The following NRXN1 variants were observed in gnomAD, a reference collection of about 807,000 sequenced individuals.
NRXN1 encodes the protein neurexin-1.
In NRXN1, 39 loss-of-function variants were observed where a neutral mutation model predicts 150.9. That is an observed-to-expected ratio of 0.26 (90% CI 0.20 to 0.34). The LOEUF (loss-of-function observed/expected upper bound fraction) is 0.34, where lower values mean the gene tolerates loss of function less well. Ranked by LOEUF, NRXN1 falls within the 10% of genes least tolerant of loss-of-function variation. The probability of loss-of-function intolerance (pLI) is 1.00; values close to 1 mark genes in which losing one functional copy is unlikely to be tolerated. For synonymous variants in NRXN1, 924 were observed against 757.0 expected (o/e 1.22, Z -3.62); for missense variants, 1,815 against 1,949.9 (o/e 0.93, Z 1.30).
At chr2:50,206,539 C>T (rs887122633) in intron 18 of NRXN1, among the ~76,000 whole-genome samples, 2 of 151,972 alleles carry the variant, frequency 1.3e-5, no homozygotes, top group African/African-American at 4.8e-5. Context: ...GCCATACCCT[C>T]TGTCTAAACC....
intron 19 of NRXN1, among the ~76,000 whole-genome samples, chr2:50,088,960 G>C (rs1699180902): frequency 6.6e-6 from 1 of 152,088 alleles, no homozygotes; most frequent in Admixed American, 6.6e-5. Flanking sequence ...TTACTAAAAT[G>C]CAATGATGTT....
chr2:50,103,217 G>A (rs1701196917), intron 18 of NRXN1, among the ~76,000 whole-genome samples: 1 of 152,010 alleles, frequency 6.6e-6, no homozygotes, highest in South Asian at 2.1e-4. Context: ...ATCATTCTAC[G>A]CTCATATTTC....
intron 5 of NRXN1, among the ~76,000 whole-genome samples, chr2:50,874,413 T>C (rs1054209667): frequency 7.2e-5 from 11 of 151,798 alleles, no homozygotes; most frequent in African/African-American, 2.7e-4. Context: ...CTTTTTTTTA[T>C]AGATGAAAAA....
intron 5 of NRXN1, among the ~76,000 whole-genome samples, chr2:50,626,757 A>G (rs554816100): frequency 6.6e-6 from 1 of 152,078 alleles, no homozygotes; most frequent in Admixed American, 6.6e-5. Context: ...CATCTACATT[A>G]AAATTAACAA....
chr2:50,655,792 G>A (rs1295663350), intron 5 of NRXN1, among the ~76,000 whole-genome samples: 5 of 151,910 alleles, frequency 3.3e-5, no homozygotes, highest in East Asian at 3.9e-4. Flanking sequence ...CTTTGTAATC[G>A]TGTACATTGA....
intron 15 of NRXN1, among the ~76,000 whole-genome samples, chr2:50,484,936 T>C (rs1664152192): frequency 1.3e-5 from 2 of 152,220 alleles, no homozygotes; most frequent in South Asian, 4.1e-4. Context: ...ATGTTAGCTT[T>C]TCACTGTAGA....
At position 50,554,687 on chromosome 2, in the gene NRXN1, TTA is replaced by T. The variant is rs1667981099; in HGVS notation, c.1321-1664_1321-1663del. Among the ~76,000 whole-genome samples the T allele has an allele frequency of 2.6e-5, 4 of 152,272 alleles. No homozygotes were observed. The East Asian group carries it at 7.7e-4, about 29-fold the overall frequency. Reference sequence around the variant, plus strand: ...ATAGACACAGATTTTAATTCTAAATTTATCCATAGGAAAACATTTAGAAATAA... The same window carrying T: ...ATAGACACAGATTTTAATTCTAAATTTCCATAGGAAAACATTTAGAAATAA... On this transcript the variant is annotated intron_variant, in intron 8 of 22. Transcript: ENST00000401669.
In NRXN1 at chr2:50,513,547, C is replaced by T. The variant is rs1471945927; in HGVS notation, c.2375-6930G>A. Among the ~76,000 whole-genome samples, 6 of 152,210 alleles carry T rather than the reference C, an allele frequency of 3.9e-5. No homozygotes were observed. The South Asian group carries it at 6.2e-4, about 16-fold the overall frequency. On this transcript the variant is annotated intron_variant, in intron 12 of 22. Coordinates refer to ENST00000401669, the MANE Select transcript of NRXN1 (RefSeq NM_001330078.2). ...AAGGGAACCTGAAATAGATCAATAA[C>T]GACATGCTTAATCTTGCTGGGTTAA...
chr2:49,983,594 C>G (rs939617044), intron 21 of NRXN1, among the ~76,000 whole-genome samples: 2 of 151,868 alleles, frequency 1.3e-5, no homozygotes, highest in Non-Finnish European at 2.9e-5. Context: ...TCTTTGAGTC[C>G]TTTAGATAAT....
chr2:50,305,864 A>T (rs1455395286), intron 17 of NRXN1, among the ~76,000 whole-genome samples: 2 of 152,200 alleles, frequency 1.3e-5, no homozygotes, highest in African/African-American at 4.8e-5. Context: ...TTCCCTGCCA[A>T]TTCTCCGTCC....
intron 17 of NRXN1, among the ~76,000 whole-genome samples, chr2:50,304,499 C>T (rs931729043): frequency 6.6e-6 from 1 of 152,114 alleles, no homozygotes; most frequent in African/African-American, 2.4e-5. Context: ...TCAAAAATTC[C>T]TAGGAGCCAG....
At chr2:50,443,582 C>G (rs2086152372) in intron 17 of NRXN1, among the ~76,000 whole-genome samples, 1 of 152,158 alleles carries the variant, frequency 6.6e-6, no homozygotes, top group African/African-American at 2.4e-5. Context: ...CAATGTGCCT[C>G]TAAATCAGTA....
At chr2:50,080,021 C>A (rs1252794256) in intron 19 of NRXN1, among the ~76,000 whole-genome samples, 1 of 151,960 alleles carries the variant, frequency 6.6e-6, no homozygotes, top group African/African-American at 2.4e-5. Flanking sequence ...AAATTGCATG[C>A]CATTCTGAGT....
At chr2:50,817,595 C>T (rs1047004964) in intron 5 of NRXN1, among the ~76,000 whole-genome samples, 2 of 151,868 alleles carry the variant, frequency 1.3e-5, no homozygotes, top group Admixed American at 1.3e-4. Flanking sequence ...AACACAGATG[C>T]AAAAATTCAC....
At chr2:50,218,245 G>T (rs779684819) in intron 18 of NRXN1, among the ~76,000 whole-genome samples, 5 of 152,010 alleles carry the variant, frequency 3.3e-5, no homozygotes, top group Non-Finnish European at 5.9e-5. Flanking sequence ...TCTATCCCAA[G>T]AAGCTAACAA....
In NRXN1 at chr2:49,922,074, A is replaced by G; in HGVS notation, c.4394T>C (p.Val1465Ala). The G allele has an allele frequency of 3.7e-6, 6 of 1,614,154 alleles. No individual in the cohort carries two copies. Among genetic ancestry groups the G allele is most frequent in the Admixed American group, 1.7e-5 (1 of 60,016 alleles). ...YRNRDEGSYH[V>A]DESRNYISNS... is the part of the protein sequence containing the mutation. ...ACTGATGTAGTTTCGACTCTCGTCC[A>G]CATGGTATGAGCCTTCATCCCGGTT... is the stretch of plus-strand genomic sequence containing the variant. Residue 1465 changes from valine (V) to alanine (A), a missense_variant, in exon 23 of 23, where the codon GTG becomes GCG. Around this residue, in one of 6 missense-constraint regions of NRXN1, gnomAD observed 265 missense variants for 307.1 expected, o/e 0.86. Coordinates refer to ENST00000401669, the MANE Select transcript of NRXN1 (RefSeq NM_001330078.2).
chr2:50,896,355 A>T (rs1382278865), intron 5 of NRXN1, among the ~76,000 whole-genome samples: 1 of 152,236 alleles, frequency 6.6e-6, no homozygotes, highest in African/African-American at 2.4e-5. Context: ...GATAAATCAG[A>T]TAACAGCACT....
At chr2:50,794,201 C>A (rs1469211533) in intron 5 of NRXN1, among the ~76,000 whole-genome samples, 1 of 152,074 alleles carries the variant, frequency 6.6e-6, no homozygotes, top group Non-Finnish European at 1.5e-5. Context: ...CCGACTGAAA[C>A]AGGCTTGACT....
intron 18 of NRXN1, among the ~76,000 whole-genome samples, chr2:50,125,038 T>C (rs192129945): frequency 2.0e-5 from 3 of 152,232 alleles, no homozygotes; most frequent in African/African-American, 7.2e-5. Context: ...TACAAACATA[T>C]ACATGTACGT....
Sources: gnomAD v4.1 joint callset for allele counts (sites outside exome capture counted in the v4.1 genomes callset) on GRCh38, gnomAD v4.1.1 for gene constraint, gnomAD v4.1.1 regional missense constraint, MANE v1.5 for transcripts, NCBI Gene and HGNC (gene_info 2026-07-23, HGNC 2026-07-21) for gene names.